The following ASTN2 variants were observed in gnomAD, a reference collection of about 807,000 sequenced individuals.
The protein encoded by ASTN2 is astrotactin 2.
Under a neutral mutation model 139.8 loss-of-function variants are expected in ASTN2, and 54 were observed. That is an observed-to-expected ratio of 0.39 (90% CI 0.31 to 0.48). The LOEUF is 0.48. ASTN2 is among the 20% of genes least tolerant of loss of function. ASTN2 has a pLI of 0.95. For synonymous variants in ASTN2, 756 were observed against 719.5 expected (o/e 1.05, Z -0.81); for missense variants, 1,565 against 1,725.1 (o/e 0.91, Z 1.64).
At chr9:116,517,768 A>T (rs1850711507) in intron 19 of ASTN2, among the ~76,000 whole-genome samples, 1 of 152,176 alleles carries the variant, frequency 6.6e-6, no homozygotes, top group African/African-American at 2.4e-5. Flanking sequence ...GATACAGGAT[A>T]TGAAAGGAAA....
At chr9:116,596,218 T>A (rs1854568974) in intron 19 of ASTN2, among the ~76,000 whole-genome samples, 1 of 152,142 alleles carries the variant, frequency 6.6e-6, no homozygotes, top group Non-Finnish European at 1.5e-5. Context: ...ATATGAGAGG[T>A]ATCTAAAATA....
At chr9:117,403,827 C>A (rs1417145463) in intron 1 of ASTN2, among the ~76,000 whole-genome samples, 1 of 152,110 alleles carries the variant, frequency 6.6e-6, no homozygotes, top group Non-Finnish European at 1.5e-5. Context: ...CCTCAAACAA[C>A]CCCGGAATTC....
intron 19 of ASTN2, among the ~76,000 whole-genome samples, chr9:116,592,349 G>GT (rs1854410751): frequency 6.6e-6 from 1 of 152,082 alleles, no homozygotes; most frequent in Non-Finnish European, 1.5e-5. Flanking sequence ...CATCTTACAT[G>GT]GTTGGAGCAG....
chr9:117,220,195 C>T (rs1013016216), intron 2 of ASTN2, among the ~76,000 whole-genome samples: 1 of 152,260 alleles, frequency 6.6e-6, no homozygotes, highest in Admixed American at 6.5e-5. Context: ...GTTCCCCTTG[C>T]TTAAACTCCT....
At chr9:117,242,480 G>C (rs1833245420) in intron 2 of ASTN2, among the ~76,000 whole-genome samples, 1 of 152,140 alleles carries the variant, frequency 6.6e-6, no homozygotes, top group Admixed American at 6.5e-5. Context: ...CTGGCTGGAA[G>C]CATCCTAATG....
At chr9:117,221,492 C>T (rs1005118921) in intron 2 of ASTN2, among the ~76,000 whole-genome samples, 18 of 152,186 alleles carry the variant, frequency 1.2e-4, no homozygotes, top group African/African-American at 4.1e-4. Flanking sequence ...TTTTAATATT[C>T]CCTCACTATG....
intron 19 of ASTN2, among the ~76,000 whole-genome samples, chr9:116,494,096 G>A (rs1483593981): frequency 6.6e-6 from 1 of 152,180 alleles, no homozygotes; most frequent in Non-Finnish European, 1.5e-5. Context: ...TCTGAAACAT[G>A]GTGTTATTTT....
chr9:117,069,297 G>A (rs1828041442), intron 5 of ASTN2, among the ~76,000 whole-genome samples: 1 of 108,856 alleles, frequency 9.2e-6, no homozygotes, highest in South Asian at 3.5e-4. Context: ...AGGTTGTTCA[G>A]TTTCCATGTA....
At chr9:117,089,974 G>A (rs962118825) in intron 5 of ASTN2, among the ~76,000 whole-genome samples, 1 of 152,142 alleles carries the variant, frequency 6.6e-6, no homozygotes, top group African/African-American at 2.4e-5. Context: ...TATATGATAT[G>A]GGGTTAGACT....
chr9:117,264,134 G>C (rs1388261726), intron 2 of ASTN2, among the ~76,000 whole-genome samples: 1 of 151,984 alleles, frequency 6.6e-6, no homozygotes, highest in African/African-American at 2.4e-5. Context: ...ACATAATACT[G>C]TTACTTCACT....
At chr9:116,872,794 C>G (rs538793306) in intron 10 of ASTN2, among the ~76,000 whole-genome samples, 71 of 152,042 alleles carry the variant, frequency 4.7e-4, no homozygotes, top group African/African-American at 1.7e-3. Context: ...ATGCTAAGGC[C>G]TAGAGGTAGG....
intron 10 of ASTN2, among the ~76,000 whole-genome samples, chr9:116,909,593 G>A (rs1288821649): frequency 6.6e-6 from 1 of 152,190 alleles, no homozygotes; most frequent in Non-Finnish European, 1.5e-5. Context: ...GGAGCTATTG[G>A]CATTTAGAAC....
chr9:116,632,350 GTA>G (rs1205070947), intron 17 of ASTN2, among the ~76,000 whole-genome samples: 23 of 149,408 alleles, frequency 1.5e-4, no homozygotes, highest in Non-Finnish European at 1.2e-4. Context: ...AAAAAGACCT[GTA>G]ATCTCAGCAC....
At chr9:116,992,012 C>A (rs1468047864) in intron 7 of ASTN2, among the ~76,000 whole-genome samples, 3 of 152,188 alleles carry the variant, frequency 2.0e-5, no homozygotes, top group Non-Finnish European at 2.9e-5. Context: ...TACCTGAGCA[C>A]ATCCCTTCAA....
chr9:117,264,154 G>T (rs1173661831), intron 2 of ASTN2, among the ~76,000 whole-genome samples: 3 of 151,996 alleles, frequency 2.0e-5, no homozygotes, highest in Non-Finnish European at 2.9e-5. Flanking sequence ...TTAGTTTCTT[G>T]TCCAGTAAAA....
At chr9:117,244,353 G>A (rs559686657) in intron 2 of ASTN2, among the ~76,000 whole-genome samples, 1 of 152,168 alleles carries the variant, frequency 6.6e-6, no homozygotes, top group African/African-American at 2.4e-5. Flanking sequence ...ATACATACTA[G>A]GAGAAAAGCT....
intron 20 of ASTN2, among the ~76,000 whole-genome samples, chr9:116,457,858 C>T (rs757916835): frequency 6.6e-5 from 10 of 151,930 alleles, no homozygotes; most frequent in Admixed American, 2.6e-4. Context: ...GGTATACACC[C>T]AAAAGAAAGG....
At chr9:117,106,799 T>C (rs1829117435) in intron 4 of ASTN2, among the ~76,000 whole-genome samples, 1 of 152,206 alleles carries the variant, frequency 6.6e-6, no homozygotes, top group Non-Finnish European at 1.5e-5. Context: ...TCTGTCTATC[T>C]ATCTATCTAT....
chr9:116,648,853 T>C (rs1485644119), intron 17 of ASTN2, among the ~76,000 whole-genome samples: 2 of 151,816 alleles, frequency 1.3e-5, no homozygotes, highest in Admixed American at 6.6e-5. Context: ...GGCCAACATG[T>C]TGAAACCTTG....
Sources: allele counts gnomAD v4.1 joint callset (sites outside exome capture counted in the v4.1 genomes callset), GRCh38; gene constraint gnomAD v4.1.1; transcripts MANE v1.5; gene names NCBI Gene and HGNC (gene_info 2026-07-23, HGNC 2026-07-21).